The following CREB5 variants were observed in gnomAD, a reference collection of about 807,000 sequenced individuals.
CREB5 encodes the protein cyclic AMP-responsive element-binding protein 5.
In CREB5, 19 loss-of-function variants were observed where a neutral mutation model predicts 57.1. The ratio of observed to expected loss-of-function variants is 0.33; its 90% CI spans 0.23 to 0.49. The LOEUF is 0.49. Among genes scored for constraint, CREB5 ranks in the 20% least tolerant of loss-of-function variants. CREB5 has a pLI of 0.99. For missense variants in CREB5, 579 were observed against 671.6 expected (o/e 0.86, Z 1.52); for synonymous variants, 238 against 238.3 (o/e 1.00, Z 0.01).
intron 1 of CREB5, among the ~76,000 whole-genome samples, chr7:28,352,742 G>C (rs1158639252): frequency 1.3e-5 from 2 of 152,152 alleles, no homozygotes; most frequent in Non-Finnish European, 1.5e-5. Flanking sequence ...TTCACAATAG[G>C]TAAGGAATAG....
chr7:28,321,096 G>A (rs999521458), intron 1 of CREB5, among the ~76,000 whole-genome samples: 1 of 152,144 alleles, frequency 6.6e-6, no homozygotes, highest in African/African-American at 2.4e-5. Flanking sequence ...TTGTCTCAAC[G>A]GATTGTAGAG....
At chr7:28,463,538 T>C (rs1163995814) in intron 1 of CREB5, among the ~76,000 whole-genome samples, 1 of 152,190 alleles carries the variant, frequency 6.6e-6, no homozygotes, top group African/African-American at 2.4e-5. Flanking sequence ...CTAACGATAC[T>C]AATTCTTCCA....
In CREB5 at chr7:28,471,493, A is replaced by G. The variant is rs982762550; in HGVS notation, c.4-16682A>G. On this transcript the variant is annotated intron_variant, in intron 1 of 10. Transcript: ENST00000357727. ...TACTATAGCTCAGTATAATTTGGCTATTTGGGGTCTTTTGTGTGAACCCAT... is the reference window on the plus strand; with the variant it reads ...TACTATAGCTCAGTATAATTTGGCTGTTTGGGGTCTTTTGTGTGAACCCAT... Among the ~76,000 whole-genome samples the G allele has an allele frequency of 4.6e-5, 7 of 152,228 alleles. No individual in the cohort carries two copies. In the South Asian group the frequency reaches 1.5e-3, roughly 32 times the overall value.
At chr7:28,705,364 CAAAAAAA>C (rs10686098) in intron 5 of CREB5, among the ~76,000 whole-genome samples, 3 of 93,040 alleles carry the variant, frequency 3.2e-5, no homozygotes, top group Non-Finnish European at 4.4e-5. Context: ...GACTCTGACT[CAAAAAAA>C]AAAAAAAAAA....
rs538182723 is a variant in CREB5, at chr7:28,659,917, G to C, written c.465-58836G>C. 3.3e-5 allele frequency among the ~76,000 whole-genome samples: 5 copies of C among 152,228 alleles called. No homozygotes were observed. In the South Asian group the frequency reaches 1.0e-3, roughly 32 times the overall value. ...CAGACATTTTGAGGATTTTCTAGAA[G>C]ACATAATAAGAACAGTAGAGAAAAG... On this transcript the variant is annotated intron_variant, in intron 5 of 10. Transcript: ENST00000357727.
intron 1 of CREB5, among the ~76,000 whole-genome samples, chr7:28,319,941 A>G (rs922305353): frequency 2.6e-5 from 4 of 151,898 alleles, no homozygotes; most frequent in African/African-American, 7.3e-5. Flanking sequence ...TTTTTAAAAA[A>G]ATTTTTTGAG....
At chr7:28,554,560 TTTTTC>T (rs1362990719) in intron 4 of CREB5, among the ~76,000 whole-genome samples, 1 of 152,240 alleles carries the variant, frequency 6.6e-6, no homozygotes, top group Non-Finnish European at 1.5e-5. Context: ...TGGATCTGCT[TTTTTC>T]TTTTCATTTT....
intron 5 of CREB5, among the ~76,000 whole-genome samples, chr7:28,701,007 A>G (rs1197777320): frequency 6.6e-6 from 1 of 151,868 alleles, no homozygotes; most frequent in Non-Finnish European, 1.5e-5. Flanking sequence ...TAAAGTAGAC[A>G]GTCTATATGT....
intron 9 of CREB5, among the ~76,000 whole-genome samples, chr7:28,817,768 C>T (rs923623924): frequency 6.6e-6 from 1 of 152,224 alleles, no homozygotes; most frequent in African/African-American, 2.4e-5. Context: ...TAGGGTCACA[C>T]AGTCAGTGTG....
intron 5 of CREB5, among the ~76,000 whole-genome samples, chr7:28,626,155 A>G (rs1334104102): frequency 1.3e-5 from 2 of 152,222 alleles, no homozygotes; most frequent in Non-Finnish European, 2.9e-5. Context: ...TTCTGTATCA[A>G]GTAGAGATCA....
intron 5 of CREB5, among the ~76,000 whole-genome samples, chr7:28,597,271 A>T (rs1215128795): frequency 2.0e-5 from 3 of 152,204 alleles, no homozygotes; most frequent in African/African-American, 7.2e-5. Context: ...GATGAGGCAT[A>T]GCCATTTAGC....
intron 7 of CREB5, among the ~76,000 whole-genome samples, chr7:28,744,688 T>A (rs1389698138): frequency 6.6e-6 from 1 of 152,130 alleles, no homozygotes; most frequent in Non-Finnish European, 1.5e-5. Flanking sequence ...CCAAATACAG[T>A]CACATACTGA....
intron 8 of CREB5, among the ~76,000 whole-genome samples, chr7:28,808,507 C>T (rs1484141701): frequency 6.6e-6 from 1 of 152,096 alleles, no homozygotes. Flanking sequence ...CACCCTGTAG[C>T]CATACATTGG....
chr7:28,721,541 A>G (rs1308118121), intron 6 of CREB5, among the ~76,000 whole-genome samples: 1 of 152,170 alleles, frequency 6.6e-6, no homozygotes, highest in Non-Finnish European at 1.5e-5. Flanking sequence ...CCTGGGTATA[A>G]AAGAGAAGTC....
At chr7:28,519,269 G>A (rs1231657135) in intron 4 of CREB5, among the ~76,000 whole-genome samples, 2 of 152,042 alleles carry the variant, frequency 1.3e-5, no homozygotes, top group South Asian at 2.1e-4. Context: ...ATATGTTTTA[G>A]GCACATGTAT....
chr7:28,708,141 AAG>A lies in CREB5; in HGVS notation c.465-10609_465-10608del. On this transcript the variant is annotated intron_variant, in intron 5 of 10. Transcript: ENST00000357727. ...CTCTCTGTTAGGATATAACCCAGTG[AAG>A]AGTTTGCTCAGCCTTGTTAGGCAAT... Among the ~76,000 whole-genome samples, 4 of 152,302 alleles carry A rather than the reference AAG, an allele frequency of 2.6e-5. No homozygotes were observed. The South Asian group carries it at 8.4e-4, about 32-fold the overall frequency.
intron 4 of CREB5, among the ~76,000 whole-genome samples, chr7:28,514,569 G>A (rs1304306571): frequency 2.0e-5 from 3 of 152,100 alleles, no homozygotes; most frequent in Non-Finnish European, 4.4e-5. Flanking sequence ...CTAATTTTTT[G>A]TATTTTTAGT....
intron 5 of CREB5, among the ~76,000 whole-genome samples, chr7:28,670,636 A>T (rs978391839): frequency 2.6e-5 from 4 of 152,220 alleles, no homozygotes; most frequent in African/African-American, 9.6e-5. Flanking sequence ...TATATGAGGA[A>T]ATTGTCTTAA....
intron 7 of CREB5, among the ~76,000 whole-genome samples, chr7:28,795,169 G>A (rs1346378639): frequency 2.0e-5 from 3 of 152,146 alleles, no homozygotes; most frequent in Non-Finnish European, 2.9e-5. Context: ...GATGCTTTGC[G>A]AAGTCAAAAT....
Sources: allele counts gnomAD v4.1 joint callset (sites outside exome capture counted in the v4.1 genomes callset), GRCh38; gene constraint gnomAD v4.1.1; transcripts MANE v1.5; gene names NCBI Gene and HGNC (gene_info 2026-07-23, HGNC 2026-07-21).